Variants in TOM1 observed in about 807,000 individuals in gnomAD.
TOM1 encodes the protein target of myb1 membrane trafficking protein.
TOM1 carries 38 observed loss-of-function variants against 61.3 expected under a neutral mutation model. The ratio of observed to expected loss-of-function variants is 0.62; its 90% CI spans 0.48 to 0.81. The LOEUF is 0.81. Ranked by LOEUF, TOM1 falls within the 40% of genes least tolerant of loss-of-function variation. The pLI, the probability that TOM1 is intolerant of heterozygous loss-of-function variation, is 0.00. For missense variants in TOM1, 591 were observed against 659.6 expected, an observed-to-expected ratio of 0.90 and a Z score of 1.14; for synonymous variants, 270 against 268.8, an observed-to-expected ratio of 1.00 and a Z score of -0.04.
intron 12 of TOM1, among the ~76,000 whole-genome samples, chr22:35,339,616 G>A (rs183834784): frequency 5.3e-4 from 80 of 152,228 alleles, no homozygotes; most frequent in African/African-American, 1.7e-3. Context: ...ATAAAAGAGC[G>A]GACCCTGGCC....
At chr22:35,322,969 G>A in intron 3 of TOM1, 59 bp from the exon 4 acceptor site, 2 of 1,590,810 alleles carry the variant, frequency 1.3e-6, no homozygotes, top group East Asian at 2.2e-5. Flanking sequence ...GAGGGTGGGG[G>A]TTCTGAGCAC....
intron 1 of TOM1, among the ~76,000 whole-genome samples, chr22:35,311,939 A>G (rs1292825694): frequency 6.6e-6 from 1 of 152,110 alleles, no homozygotes; most frequent in African/African-American, 2.4e-5. Context: ...TGAGGAGCCA[A>G]CCCTGGGTGG....
At chr22:35,318,158 G>A (rs1927470724) in intron 2 of TOM1, 197 bp downstream of exon 2, 1 of 581,102 alleles carries the variant, frequency 1.7e-6, no homozygotes, top group Admixed American at 3.0e-5. Context: ...TTCACAGCTG[G>A]CCCCTGGGGG....
intron 1 of TOM1, among the ~76,000 whole-genome samples, chr22:35,309,037 A>C (rs1281137212): frequency 6.6e-6 from 1 of 152,126 alleles, no homozygotes; most frequent in Non-Finnish European, 1.5e-5. Context: ...TTCTGGCTGA[A>C]AAAAAAATAG....
At chr22:35,309,297 G>A (rs1382801546) in intron 1 of TOM1, among the ~76,000 whole-genome samples, 1 of 152,130 alleles carries the variant, frequency 6.6e-6, no homozygotes, top group African/African-American at 2.4e-5. Flanking sequence ...GGCAGGATTT[G>A]TCTGTGTCTG....
In TOM1 at chr22:35,309,568, G is replaced by A. The variant is rs143666260; in HGVS notation, c.53-8309G>A. 3.6e-3 allele frequency among the ~76,000 whole-genome samples: 547 copies of A among 151,658 alleles called. 5 individuals are homozygous for A. The highest frequency in any genetic ancestry group is 5.3e-3 in the Non-Finnish European group (363 of 67,892). ...CTGAGACAGGAGAATCGCTTGAACC[G>A]GTGAGGCGGAAGTTGCAGTGAGCCA... On this transcript the variant is annotated intron_variant, in intron 1 of 14. Coordinates refer to ENST00000449058, the MANE Select transcript of TOM1 (RefSeq NM_005488.3).
intron 1 of TOM1, among the ~76,000 whole-genome samples, chr22:35,316,365 C>T (rs573620432): frequency 2.0e-5 from 3 of 152,298 alleles, no homozygotes; most frequent in Non-Finnish European, 2.9e-5. Context: ...CCTGTGTGCA[C>T]GTGGTTGACG....
chr22:35,303,414 A>C (rs1239128477), intron 1 of TOM1, among the ~76,000 whole-genome samples: 2 of 152,124 alleles, frequency 1.3e-5, no homozygotes, highest in Admixed American at 1.3e-4. Flanking sequence ...GAATGAAACA[A>C]GATAGTCCTC....
At chr22:35,315,452 C>T (rs539775939) in intron 1 of TOM1, among the ~76,000 whole-genome samples, 3 of 152,250 alleles carry the variant, frequency 2.0e-5, no homozygotes, top group East Asian at 1.9e-4. Flanking sequence ...TTGTTTGGCC[C>T]GCTCTGTTCT....
rs1282637349 is a variant in TOM1, at chr22:35,320,634, AGACCACCCCCTCGGAGGTCTTTTCT to A, written c.138-1314_138-1290del. Among the ~76,000 whole-genome samples, 7 of 151,984 alleles carry A rather than the reference AGACCACCCCCTCGGAGGTCTTTTCT, an allele frequency of 4.6e-5. No individual in the cohort carries two copies. The East Asian group carries it at 5.8e-4, about 13-fold the overall frequency. On this transcript the variant is annotated intron_variant, in intron 2 of 14. Transcript: ENST00000449058. ...TCCCATCTTTCAAGGCCCAACTACA[AGACCACCCCCTCGGAGGTCTTTTCT>A]GACCACCCCCATCCTCACCTCTGCT...
At chr22:35,337,873 C>G (rs1929512003) in intron 11 of TOM1, among the ~76,000 whole-genome samples, 1 of 152,344 alleles carries the variant, frequency 6.6e-6, no homozygotes, top group Admixed American at 6.5e-5. Context: ...AATAACAGGG[C>G]TCTTTCCCTG....
chr22:35,304,231 T>C (rs1295129282), intron 1 of TOM1, among the ~76,000 whole-genome samples: 3 of 152,162 alleles, frequency 2.0e-5, no homozygotes, highest in Non-Finnish European at 4.4e-5. Context: ...TGAATTGATG[T>C]CTGTCCCACC....
chr22:35,334,408 G>A lies in TOM1; in HGVS notation c.1108G>A (p.Ala370Thr). The A allele has an allele frequency of 6.2e-7, 1 of 1,614,140 alleles. No individual in the cohort carries two copies. Residue 370 changes from alanine to threonine, a missense_variant, in exon 11 of 15, where the codon GCG becomes ACG. Ala to Thr is a moderately conservative substitution (Grantham distance 58, BLOSUM62 0). Coordinates refer to ENST00000449058, the MANE Select transcript of TOM1 (RefSeq NM_005488.3). ...ACTGGAAGATGAGTTTGACATGTTT[G>A]CGCTGACACGGGGCAGCTCACTGGC... ...GRLEDEFDMF[A>T]LTRGSSLADQ...
intron 1 of TOM1, among the ~76,000 whole-genome samples, chr22:35,311,881 A>G (rs951592839): frequency 2.0e-5 from 3 of 152,186 alleles, no homozygotes; most frequent in Non-Finnish European, 4.4e-5. Flanking sequence ...TGTTATTGTC[A>G]TGGTGCAGGA....
At chr22:35,329,850 A>G (rs908770213) in intron 7 of TOM1, among the ~76,000 whole-genome samples, 5 of 152,202 alleles carry the variant, frequency 3.3e-5, no homozygotes, top group African/African-American at 1.2e-4. Flanking sequence ...AAATTTTAGC[A>G]TCTAACACTT....
At position 35,327,181 on chromosome 22, in the gene TOM1, C is replaced by T. The variant is rs1390941799; in HGVS notation, c.649-90C>T. On this transcript the variant is annotated intron_variant, in intron 6 of 14. Coordinates refer to ENST00000449058, the MANE Select transcript of TOM1 (RefSeq NM_005488.3). ...GGAGGTCGGCTCCCTGGTGCTGCAC[C>T]CAGGGTTGGTGGTACTGGGTTCTGT... is the stretch of plus-strand genomic sequence containing the variant. 4 of 1,285,874 alleles carry T rather than the reference C, an allele frequency of 3.1e-6. No individual in the cohort carries two copies. The Admixed American group carries it at 5.1e-5, about 16-fold the overall frequency. 79.7% of individuals were successfully genotyped at this position (1,285,874 alleles called of 1,614,324 possible).
At chr22:35,342,554 G>GGGATCCTTGT (rs139602163) in intron 12 of TOM1, among the ~76,000 whole-genome samples, 8,773 of 152,008 alleles carry the variant, frequency 0.058, 314 homozygotes, top group African/African-American at 0.074. Context: ...CCCAGCCTCT[G>GGGATCCTTGT]GGATCCTTGT....
chr22:35,323,127 A>G lies in TOM1; in HGVS notation c.316A>G (p.Lys106Glu). 6.2e-7 allele frequency: 1 copy of G among 1,614,126 alleles called. No homozygotes were observed. The highest frequency in any genetic ancestry group is 1.7e-5 in the Admixed American group (1 of 60,020). ...TGTGCTGGTGAGGACCATCCTGCCC[A>G]AGAACAACCCACCCACCATCGTGCA... ...ESVLVRTILPKNNPPTIVHDK... is the reference protein window; with the variant it reads ...ESVLVRTILPENNPPTIVHDK... Residue 106 changes from lysine to glutamate, a missense_variant, in exon 4 of 15, where the codon AAG (lysine) becomes GAG (glutamate). Physicochemically the swap from Lys to Glu is moderately conservative, Grantham distance 56. Transcript: ENST00000449058. This position sits in a 1 kb window ranked among gnomAD's most constrained non-coding sequence, Gnocchi z 4.2.
chr22:35,312,175 C>A (rs570907417), intron 1 of TOM1, among the ~76,000 whole-genome samples: 6 of 150,552 alleles, frequency 4.0e-5, no homozygotes, highest in Non-Finnish European at 7.4e-5. Flanking sequence ...ACCCAGGAGA[C>A]GGAAGTTGCA....
Sources: gnomAD v4.1 joint callset for allele counts (sites outside exome capture counted in the v4.1 genomes callset) on GRCh38, gnomAD v4.1.1 for gene constraint, Gnocchi (gnomAD v3.1) non-coding constraint, MANE v1.5 for transcripts, NCBI Gene and HGNC (gene_info 2026-07-23, HGNC 2026-07-21) for gene names.